The following MTUS1 variants were observed in gnomAD, a reference collection of about 807,000 sequenced individuals.
MTUS1 encodes microtubule-associated tumor suppressor 1.
Under a neutral mutation model 120.8 loss-of-function variants are expected in MTUS1, and 109 were observed. The ratio of observed to expected loss-of-function variants is 0.90; its 90% CI spans 0.77 to 1.06. MTUS1 has a LOEUF of 1.06. Ranked by LOEUF, MTUS1 falls within the 50% of genes least tolerant of loss-of-function variation. The pLI is 0.00. For missense variants in MTUS1, 2,210 were observed against 1,486.3 expected, an observed-to-expected ratio of 1.49 and a Z score of -8.01; for synonymous variants, 737 against 550.5, an observed-to-expected ratio of 1.34 and a Z score of -4.74.
In MTUS1 at chr8:17,655,735, A is replaced by C. The variant is rs904202659; in HGVS notation, c.3108+128T>G. 3 of 820,968 alleles carry C rather than the reference A, an allele frequency of 3.7e-6. No homozygotes were observed. In the Admixed American group the frequency reaches 6.6e-5, roughly 18 times the overall value. The allele number at this position is 820,968 out of a possible 1,614,324, so 50.9% of individuals were successfully genotyped here. A position where few individuals can be genotyped will look rare whatever the true frequency, so the allele number is the denominator to read the frequency against. ...GACAGAGTGGGACTCTGTCTTAAAT[A>C]AACAACAACAACATGCTTTTTATAC... is the stretch of plus-strand genomic sequence containing the variant. On this transcript the variant is annotated intron_variant, in intron 9 of 14. Coordinates refer to ENST00000693296, the MANE Select transcript of MTUS1 (RefSeq NM_001363059.2).
chr8:17,779,117 C>A (rs940320004), intron 1 of MTUS1, among the ~76,000 whole-genome samples: 5 of 152,110 alleles, frequency 3.3e-5, no homozygotes, highest in Admixed American at 1.3e-4. Context: ...CAAGCTTAGA[C>A]CCCAGGAATA....
intron 13 of MTUS1, among the ~76,000 whole-genome samples, chr8:17,648,037 T>C (rs1186746605): frequency 6.6e-6 from 1 of 152,162 alleles, no homozygotes; most frequent in East Asian, 1.9e-4. Flanking sequence ...TTATGAAGGA[T>C]TCCCAGATAA....
chr8:17,782,417 C>G (rs1261773344), intron 1 of MTUS1, among the ~76,000 whole-genome samples: 1 of 152,284 alleles, frequency 6.6e-6, no homozygotes, highest in Middle Eastern at 3.4e-3. Flanking sequence ...TATACATTAT[C>G]TTCTGCTACG....
intron 6 of MTUS1, among the ~76,000 whole-genome samples, chr8:17,692,706 A>G (rs1266204771): frequency 6.6e-6 from 1 of 152,060 alleles, no homozygotes; most frequent in Admixed American, 6.6e-5. Context: ...GGAGCAGAAA[A>G]CAATAACTTG....
At chr8:17,697,565 C>G in intron 6 of MTUS1, 9 of 1,361,432 alleles carry the variant, frequency 6.6e-6, no homozygotes, top group Non-Finnish European at 8.5e-6. Flanking sequence ...CCAAGTGTTT[C>G]TGGCTTCCGT....
intron 1 of MTUS1, among the ~76,000 whole-genome samples, chr8:17,794,947 T>C (rs758238976): frequency 3.9e-5 from 6 of 152,220 alleles, no homozygotes; most frequent in Non-Finnish European, 7.3e-5. Context: ...GTATCATTCA[T>C]AGCTAACAAT....
chr8:17,657,365 G>C (rs895095429), intron 8 of MTUS1, among the ~76,000 whole-genome samples: 2 of 151,396 alleles, frequency 1.3e-5, no homozygotes, highest in Admixed American at 6.6e-5. Context: ...TCAGGAGATC[G>C]AGACCATCCC....
intron 8 of MTUS1, among the ~76,000 whole-genome samples, chr8:17,672,610 G>A (rs962396350): frequency 3.9e-5 from 6 of 152,098 alleles, no homozygotes; most frequent in African/African-American, 1.4e-4. Flanking sequence ...TACAGGTTTC[G>A]CTTCCCTCCA....
At chr8:17,685,681 T>G (rs760150801) in intron 6 of MTUS1, among the ~76,000 whole-genome samples, 1 of 125,662 alleles carries the variant, frequency 8.0e-6, no homozygotes, top group Non-Finnish European at 1.8e-5. Flanking sequence ...TTGAATAAAC[T>G]AAGTTAAAAA....
At chr8:17,777,356 T>C (rs1384073660) in intron 1 of MTUS1, among the ~76,000 whole-genome samples, 2 of 151,708 alleles carry the variant, frequency 1.3e-5, no homozygotes, top group Admixed American at 6.6e-5. Context: ...AGAGAATCGC[T>C]TGAACCCAGG....
At chr8:17,702,562 C>T (rs1199040318) in intron 6 of MTUS1, among the ~76,000 whole-genome samples, 1 of 152,168 alleles carries the variant, frequency 6.6e-6, no homozygotes, top group African/African-American at 2.4e-5. Context: ...TCCCTGGCAA[C>T]CACCACTCTA....
At chr8:17,657,734 G>A (rs1402430244) in intron 8 of MTUS1, among the ~76,000 whole-genome samples, 1 of 147,966 alleles carries the variant, frequency 6.8e-6, no homozygotes, top group Non-Finnish European at 1.5e-5. Flanking sequence ...GGCTGAGGTG[G>A]GAGGATCACT....
At chr8:17,763,003 T>TG (rs1244089386) in intron 1 of MTUS1, among the ~76,000 whole-genome samples, 2 of 151,674 alleles carry the variant, frequency 1.3e-5, no homozygotes, top group Admixed American at 1.3e-4. Context: ...GTACCTTTTT[T>TG]TTTTTTGAGA....
At chr8:17,701,689 A>G (rs1044617278) in intron 6 of MTUS1, among the ~76,000 whole-genome samples, 2 of 152,000 alleles carry the variant, frequency 1.3e-5, no homozygotes, top group African/African-American at 4.8e-5. Context: ...CTGGGACTAC[A>G]GGCGCCCGCC....
rs562096308 is a variant in MTUS1, at chr8:17,705,379, A to G, written c.2623+7835T>C. On this transcript the variant is annotated intron_variant, in intron 6 of 14. Coordinates refer to ENST00000693296, the MANE Select transcript of MTUS1 (RefSeq NM_001363059.2). ...AAAGATCTTTTCTACTTAAGTCTAT[A>G]TTCTTAGTGTTTTAATTACTTTGTG... Among the ~76,000 whole-genome samples the G allele has an allele frequency of 3.3e-5, 5 of 152,302 alleles. No individual in the cohort carries two copies. The South Asian group carries it at 1.0e-3, about 32-fold the overall frequency.
At chr8:17,710,017 AAC>A (rs1158533009) in intron 6 of MTUS1, among the ~76,000 whole-genome samples, 29 of 151,362 alleles carry the variant, frequency 1.9e-4, no homozygotes, top group African/African-American at 6.1e-4. Flanking sequence ...AAAAAAAAAA[AAC>A]ACCTTAATTT....
intron 1 of MTUS1, among the ~76,000 whole-genome samples, chr8:17,785,375 T>A (rs1347716315): frequency 6.6e-6 from 1 of 152,214 alleles, no homozygotes; most frequent in East Asian, 1.9e-4. Context: ...AAGCTTGAGC[T>A]GAGACTAAGG....
intron 10 of MTUS1, 28 bp downstream of exon 10, chr8:17,654,533 G>C (rs905370478): frequency 7.2e-7 from 1 of 1,382,808 alleles, no homozygotes; most frequent in African/African-American, 1.4e-5. Context: ...ATTTTATTCT[G>C]TTTAAAGAGG....
intron 1 of MTUS1, among the ~76,000 whole-genome samples, chr8:17,776,982 A>G (rs936758296): frequency 6.6e-6 from 1 of 152,068 alleles, no homozygotes; most frequent in Non-Finnish European, 1.5e-5. Context: ...AAAATGGAAA[A>G]CCTGGGTGTG....
Sources: gnomAD v4.1 joint callset for allele counts (sites outside exome capture counted in the v4.1 genomes callset) on GRCh38, gnomAD v4.1.1 for gene constraint, MANE v1.5 for transcripts, NCBI Gene and HGNC (gene_info 2026-07-23, HGNC 2026-07-21) for gene names.